ADGRF5: variants seen among roughly 807,000 people sequenced by gnomAD.
The protein encoded by ADGRF5 is G-protein coupled receptor 116.
A neutral mutation model predicts 132.3 loss-of-function variants in ADGRF5; 75 were observed. The observed-to-expected ratio is 0.57, with a 90% CI of 0.47 to 0.69. The LOEUF is 0.69. ADGRF5 is among the 30% of genes least tolerant of loss of function. ADGRF5 has a pLI of 0.00. For synonymous variants in ADGRF5, 629 were observed against 597.6 expected (o/e 1.05, Z -0.77); for missense variants, 1,516 against 1,630.6 (o/e 0.93, Z 1.21).
At chr6:46,865,309 G>A (rs984534382) in intron 13 of ADGRF5, 112 bp from the exon 14 acceptor site, 4 of 711,942 alleles carry the variant, frequency 5.6e-6, no homozygotes, top group Non-Finnish European at 7.0e-6. Flanking sequence ...CGAGGAATGT[G>A]CCACATTCAT....
In ADGRF5 at chr6:46,871,379, G is replaced by A. The variant is rs1201785831; in HGVS notation, c.1411+464C>T. ...AAGGCTTTCTGCAGCATTGTCTCTG[G>A]AACAGGTGAAATGGGAGAGGAGGAA... On this transcript the variant is annotated intron_variant, in intron 11 of 20. Transcript: ENST00000283296. 5.3e-5 allele frequency among the ~76,000 whole-genome samples: 8 copies of A among 152,162 alleles called. No individual in the cohort carries two copies. In the East Asian group the frequency reaches 1.2e-3, roughly 22 times the overall value.
At chr6:46,869,441 G>A in intron 11 of ADGRF5, 3 of 942,966 alleles carry the variant, frequency 3.2e-6, no homozygotes, top group Non-Finnish European at 3.8e-6. Flanking sequence ...AACCTCCTCT[G>A]TAACACCTTA....
intron 3 of ADGRF5, among the ~76,000 whole-genome samples, chr6:46,898,720 A>T (rs1774433033): frequency 6.6e-6 from 1 of 152,164 alleles, no homozygotes; most frequent in Admixed American, 6.5e-5. Flanking sequence ...CTCCACTCTG[A>T]TCTTAGGGTA....
intron 1 of ADGRF5, among the ~76,000 whole-genome samples, chr6:46,919,746 G>A (rs1307556153): frequency 3.9e-5 from 6 of 152,198 alleles, no homozygotes; most frequent in Admixed American, 6.5e-5. Context: ...TTTACAGAAC[G>A]TCCAAAATCA....
At position 46,859,072 on chromosome 6, in the gene ADGRF5, T is replaced by A; in HGVS notation, c.2831A>T (p.Asn944Ile). 2 of 1,614,118 alleles carry A rather than the reference T, an allele frequency of 1.2e-6. No individual in the cohort carries two copies. Among genetic ancestry groups the A allele is most frequent in the Non-Finnish European group, 1.7e-6 (2 of 1,179,954 alleles). Residue 944 changes from asparagine to isoleucine, a missense_variant, in exon 17 of 21, where the codon AAC becomes ATC. By Grantham distance (149) the Asn-to-Ile change is moderately radical. This residue lies in a region of ADGRF5 where 571 missense variants were observed against 701.2 expected (regional missense o/e 0.81). Coordinates refer to ENST00000283296, the MANE Select transcript of ADGRF5 (RefSeq NM_001098518.2). ...MPFRISMTFK[N>I]NSPSGGETKC... ...CGTTTCGCCGCCTGAAGGGCTATTG[T>A]TCTTAAAAGTCATTGAAATCCTGAA...
In ADGRF5 at chr6:46,883,978, G is replaced by A. The variant is rs1772779287; in HGVS notation, c.505+117C>T. 5.7e-6 allele frequency: 5 copies of A among 883,688 alleles called. No individual in the cohort carries two copies. The South Asian group carries it at 8.0e-5, about 14-fold the overall frequency. The allele number at this position is 883,688 out of a possible 1,614,324, so 54.7% of individuals were successfully genotyped here. A position where few individuals can be genotyped will look rare whatever the true frequency, so the allele number is the denominator to read the frequency against. ...GCTGCTGTCAAAGTCCTGACCACAG[G>A]TGATCCATCCACATCGGACTATCAA... On this transcript the variant is annotated intron_variant, in intron 5 of 20. Coordinates refer to ENST00000283296, the MANE Select transcript of ADGRF5 (RefSeq NM_001098518.2).
At chr6:46,925,051 A>G (rs905961325), upstream of ADGRF5, among the ~76,000 whole-genome samples, 1 of 152,198 alleles carries the variant, frequency 6.6e-6, no homozygotes, top group Non-Finnish European at 1.5e-5. Flanking sequence ...CAAGTTATAT[A>G]AAGTCCACAC....
At chr6:46,884,497 G>A (rs187962558) in intron 4 of ADGRF5, among the ~76,000 whole-genome samples, 2 of 152,228 alleles carry the variant, frequency 1.3e-5, no homozygotes, top group African/African-American at 4.8e-5. Flanking sequence ...GTTGAGTGAT[G>A]AATGGCTAAG....
At chr6:46,915,167 A>G (rs9472903) in intron 1 of ADGRF5, among the ~76,000 whole-genome samples, 32,649 of 151,876 alleles carry the variant, frequency 0.21, 4,275 homozygotes, top group African/African-American at 0.37. Flanking sequence ...AGTTTGTTCT[A>G]TACTCAAATG....
At chr6:46,889,728 C>A (rs1488605218) in intron 3 of ADGRF5, among the ~76,000 whole-genome samples, 11 of 146,396 alleles carry the variant, frequency 7.5e-5, no homozygotes, top group African/African-American at 2.5e-4. Context: ...ATAGTCTGTA[C>A]AAACGTTATA....
At chr6:46,885,524 T>C (rs769378544) in intron 4 of ADGRF5, among the ~76,000 whole-genome samples, 1 of 152,186 alleles carries the variant, frequency 6.6e-6, no homozygotes, top group Non-Finnish European at 1.5e-5. Context: ...CTTGTCTTGA[T>C]GGAAGCCCCA....
At chr6:46,943,638 T>C (rs1210776575) in intron 1 of ADGRF5, among the ~76,000 whole-genome samples, 1 of 152,176 alleles carries the variant, frequency 6.6e-6, no homozygotes, top group Non-Finnish European at 1.5e-5. Flanking sequence ...AGTTAGCTAC[T>C]CCCATTTTAG....
chr6:46,922,191 G>A (rs1358106771), upstream of ADGRF5, among the ~76,000 whole-genome samples: 1 of 152,200 alleles, frequency 6.6e-6, no homozygotes, highest in Non-Finnish European at 1.5e-5. Context: ...GAGAAGTACA[G>A]GATGTCTGGT....
intron 6 of ADGRF5, among the ~76,000 whole-genome samples, chr6:46,882,910 T>G (rs1299092469): frequency 1.3e-5 from 2 of 152,136 alleles, no homozygotes; most frequent in Non-Finnish European, 2.9e-5. Flanking sequence ...AAGACAGGGC[T>G]CGGCTGCCAG....
At chr6:46,922,929 AGTGTTGTTTTGTTTTTAGACGGAGTCTC>A (rs1167366828), upstream of ADGRF5, among the ~76,000 whole-genome samples, 5 of 152,156 alleles carry the variant, frequency 3.3e-5, no homozygotes, top group African/African-American at 9.6e-5. Flanking sequence ...ATTGAGATTC[AGTGTTGTTTTGTTTTTAGACGGAGTCTC>A]GCTCTGTCTC....
chr6:46,912,858 A>G (rs758741231), intron 1 of ADGRF5, among the ~76,000 whole-genome samples: 3 of 152,128 alleles, frequency 2.0e-5, no homozygotes, highest in Non-Finnish European at 2.9e-5. Flanking sequence ...TGATTAAAAA[A>G]AATGCAAGTT....
Position 46,852,692 on chromosome 6 carries a change from C to T in ADGRF5, c.*1300G>A, listed in dbSNP as rs1768622588. The T allele has an allele frequency of 6.6e-6, 1 of 152,198 alleles. No individual in the cohort carries two copies. Among genetic ancestry groups the T allele is most frequent in the Non-Finnish European group, 1.5e-5 (1 of 68,044 alleles). The allele number at this position is 152,198 out of a possible 1,614,324, so 9.4% of individuals were successfully genotyped here. On this transcript the variant is annotated 3_prime_UTR_variant, in exon 21 of 21. Coordinates refer to ENST00000283296, the MANE Select transcript of ADGRF5 (RefSeq NM_001098518.2). ...AACAATCAAATCCTTGGGAAAGGCT[C>T]TGCCATTTGTTCAACAAGGTCAAGT...
At chr6:46,871,104 T>G (rs1771011998) in intron 11 of ADGRF5, among the ~76,000 whole-genome samples, 4 of 152,090 alleles carry the variant, frequency 2.6e-5, no homozygotes, top group Non-Finnish European at 5.9e-5. Context: ...AGTTAACAAG[T>G]GTTGCTTATA....
chr6:46,926,085 C>A (rs1020563426), upstream of ADGRF5, among the ~76,000 whole-genome samples: 16 of 152,238 alleles, frequency 1.1e-4, no homozygotes, highest in African/African-American at 3.6e-4. Context: ...TCATAGTATA[C>A]AAATGGTCTT....
Sources: allele counts gnomAD v4.1 joint callset (sites outside exome capture counted in the v4.1 genomes callset), GRCh38; gene constraint gnomAD v4.1.1; regional missense constraint gnomAD v4.1.1; transcripts MANE v1.5; gene names NCBI Gene and HGNC (gene_info 2026-07-23, HGNC 2026-07-21).